WDR59: variants seen among roughly 807,000 people sequenced by gnomAD.
WDR59 encodes the protein WD repeat domain 59.
WDR59 carries 100 observed loss-of-function variants against 131.2 expected under a neutral mutation model. That is an observed-to-expected ratio of 0.76 (90% CI 0.65 to 0.90). The LOEUF (loss-of-function observed/expected upper bound fraction) is 0.90. Ranked by LOEUF, WDR59 falls within the 40% of genes least tolerant of loss-of-function variation. The pLI is 0.00. For missense variants in WDR59, 1,203 were observed against 1,262.2 expected (o/e 0.95, Z 0.71); for synonymous variants, 601 against 466.2 (o/e 1.29, Z -3.72).
Position 74,873,577 on chromosome 16 carries a change from ACTTT to A in WDR59, c.*628_*631del, listed in dbSNP as rs1441625012. ...AAATGATTCACCATAATGTTGTTTA[ACTTT>A]CTCTCTTTTTTTTTTTTTTCAAATT... On this transcript the variant is annotated 3_prime_UTR_variant, in exon 26 of 26. Transcript: ENST00000262144. 1.3e-5 allele frequency: 2 copies of A among 148,624 alleles called. No homozygotes were observed. Among genetic ancestry groups the A allele is most frequent in the Non-Finnish European group, 3.0e-5 (2 of 67,148 alleles). The allele number at this position is 148,624 out of a possible 1,614,324, so 9.2% of individuals were successfully genotyped here.
intron 25 of WDR59, among the ~76,000 whole-genome samples, chr16:74,885,014 T>C (rs1336284882): frequency 1.3e-5 from 2 of 152,216 alleles, no homozygotes; most frequent in African/African-American, 4.8e-5. Context: ...TTTTCCCCCC[T>C]ACTCAGCTGT....
chr16:74,896,508 A>C (rs184850530), intron 18 of WDR59, among the ~76,000 whole-genome samples: 3 of 152,168 alleles, frequency 2.0e-5, no homozygotes, highest in East Asian at 1.9e-4. Context: ...GGGGGCGTGG[A>C]CCTGTGGTCC....
In WDR59 at chr16:74,886,389, T is replaced by C. The variant is rs1364418163; in HGVS notation, c.2427A>G (p.Arg809=). ...LNTGGWNIAG[R]EAEHLSSPWG... The stretch of plus-strand genomic sequence containing the variant: ...AAGGGGAGGACAAGTGCTCTGCCTC[T>C]CTTCCCGCTGAAGAAAATCAAATGG... Residue 809 remains arginine (R), a synonymous_variant, in exon 24 of 26, where the codon AGA becomes AGG. Coordinates refer to ENST00000262144, the MANE Select transcript of WDR59 (RefSeq NM_030581.4). The C allele has an allele frequency of 6.2e-7, 1 of 1,612,246 alleles. No individual in the cohort carries two copies. The highest frequency in any genetic ancestry group is 1.3e-5 in the African/African-American group (1 of 74,854).
At chr16:74,885,462 A>AG (rs1174155000) in intron 25 of WDR59, among the ~76,000 whole-genome samples, 191 bp downstream of exon 25, 1 of 151,340 alleles carries the variant, frequency 6.6e-6, no homozygotes, top group African/African-American at 2.4e-5. Flanking sequence ...AAAAAAAAAA[A>AG]AAAAAAAAAA....
At chr16:74,973,185 G>A (rs866789813) in intron 1 of WDR59, among the ~76,000 whole-genome samples, 17 of 152,154 alleles carry the variant, frequency 1.1e-4, no homozygotes, top group African/African-American at 4.1e-4. Context: ...AGGTTGCAGT[G>A]AGCCAAGATT....
intron 8 of WDR59, among the ~76,000 whole-genome samples, chr16:74,927,949 C>T (rs2031008960): frequency 7.4e-6 from 1 of 134,426 alleles, no homozygotes; most frequent in Non-Finnish European, 1.5e-5. Flanking sequence ...TGCTCTGTTG[C>T]CAGGCTGGAG....
chr16:74,940,851 G>A (rs1048635282), intron 7 of WDR59, among the ~76,000 whole-genome samples: 13 of 151,986 alleles, frequency 8.6e-5, no homozygotes, highest in African/African-American at 2.2e-4. Flanking sequence ...GACTACAGGC[G>A]CCCGCCATCA....
At chr16:74,896,796 G>A (rs1597661681) in intron 18 of WDR59, among the ~76,000 whole-genome samples, 1 of 152,144 alleles carries the variant, frequency 6.6e-6, no homozygotes, top group Non-Finnish European at 1.5e-5. Context: ...ATGTTTGACT[G>A]AGGACTTACA....
At chr16:74,924,461 G>A (rs184083654) in intron 8 of WDR59, among the ~76,000 whole-genome samples, 1 of 152,034 alleles carries the variant, frequency 6.6e-6, no homozygotes, top group Non-Finnish European at 1.5e-5. Context: ...TTCAAATGTA[G>A]AGGCTATATA....
chr16:74,885,344 G>A lies in WDR59; in HGVS notation c.2689+309C>T, dbSNP rs1335776755. On this transcript the variant is annotated intron_variant, in intron 25 of 25. Transcript: ENST00000262144. ...CAGGCGCCTGTAGTCTCAGCTACTC[G>A]GGAGGCTTAGGGAGGAGAAGTTAGA... Among the ~76,000 whole-genome samples the A allele has an allele frequency of 4.7e-5, 7 of 150,226 alleles. No individual in the cohort carries two copies. The East Asian group carries it at 1.2e-3, about 25-fold the overall frequency.
intron 9 of WDR59, among the ~76,000 whole-genome samples, chr16:74,922,796 T>C (rs1372873694): frequency 6.6e-6 from 1 of 152,222 alleles, no homozygotes; most frequent in Non-Finnish European, 1.5e-5. Flanking sequence ...AACATATTAA[T>C]CCAGAAAAGT....
intron 6 of WDR59, among the ~76,000 whole-genome samples, chr16:74,947,682 T>C (rs1451319085): frequency 2.0e-5 from 3 of 152,234 alleles, no homozygotes; most frequent in Non-Finnish European, 4.4e-5. Context: ...TGTTAATATT[T>C]TTAGGTATTT....
chr16:74,980,862 T>G (rs932912963), intron 1 of WDR59, among the ~76,000 whole-genome samples: 2 of 151,296 alleles, frequency 1.3e-5, no homozygotes, highest in Non-Finnish European at 2.9e-5. Flanking sequence ...TCCCAGCTAC[T>G]CAGGAGGCAG....
chr16:74,895,355 G>A (rs758397983), intron 18 of WDR59, among the ~76,000 whole-genome samples: 52 of 151,918 alleles, frequency 3.4e-4, no homozygotes, highest in Non-Finnish European at 5.9e-4. Context: ...CTCCGCCTCC[G>A]GGGTTCAAGT....
chr16:74,886,560 T>C lies in WDR59; in HGVS notation c.2420-164A>G, dbSNP rs947798760. The C allele has an allele frequency of 3.8e-5, 34 of 901,984 alleles. No individual in the cohort carries two copies. The African/African-American group carries it at 5.0e-4, about 13-fold the overall frequency. 55.9% of individuals were successfully genotyped at this position (901,984 alleles called of 1,614,324 possible). On this transcript the variant is annotated intron_variant, in intron 23 of 25. Transcript: ENST00000262144. ...AACTAAATAGAACTCTCTCCTACCC[T>C]TGCCTTTTTGCGCAGGTATTTATTA...
intron 3 of WDR59, 23 bp from the exon 4 acceptor site, chr16:74,951,566 C>CTTTCTTT (rs754863320): frequency 3.4e-5 from 54 of 1,565,364 alleles, no homozygotes; most frequent in Non-Finnish European, 4.7e-5. Flanking sequence ...GAAAGAAGGC[C>CTTTCTTT]ACAGGCAAGT....
intron 2 of WDR59, among the ~76,000 whole-genome samples, chr16:74,960,987 T>C (rs187623855): frequency 6.6e-6 from 1 of 152,162 alleles, no homozygotes; most frequent in East Asian, 1.9e-4. Flanking sequence ...CTTTATACAA[T>C]TTACTACACA....
chr16:74,969,932 G>A (rs533674292), intron 1 of WDR59, among the ~76,000 whole-genome samples: 13 of 151,274 alleles, frequency 8.6e-5, no homozygotes, highest in Non-Finnish European at 1.6e-4. Flanking sequence ...GGATTTTGGG[G>A]GGTTTTCTTG....
At chr16:74,942,716 G>T in intron 7 of WDR59, 22 bp downstream of exon 7, 1 of 1,611,628 alleles carries the variant, frequency 6.2e-7, no homozygotes, top group Non-Finnish European at 8.5e-7. Flanking sequence ...GACCAATAAG[G>T]GCGAAAAAAG....
Sources: gnomAD v4.1 joint callset for allele counts (sites outside exome capture counted in the v4.1 genomes callset) on GRCh38, gnomAD v4.1.1 for gene constraint, MANE v1.5 for transcripts, NCBI Gene and HGNC (gene_info 2026-07-23, HGNC 2026-07-21) for gene names.